Variants in NUTM2B observed in about 807,000 individuals in gnomAD.
The protein encoded by NUTM2B is family with sequence similarity 22, member B.
In NUTM2B, 2 loss-of-function variants were observed where a neutral mutation model predicts 42.4. The ratio of observed to expected loss-of-function variants is 0.05; its 90% CI spans 0.02 to 0.15. The LOEUF (loss-of-function observed/expected upper bound fraction) is 0.15. NUTM2B is among the 10% of genes least tolerant of loss of function. The pLI is 1.00. For missense variants in NUTM2B, 58 were observed against 952.6 expected, an observed-to-expected ratio of 0.06 and a Z score of 12.36; for synonymous variants, 18 against 402.4, an observed-to-expected ratio of 0.04 and a Z score of 11.43.
At chr10:79,694,567 C>G in the NUTM2B span, among the ~76,000 whole-genome samples, 1 of 152,044 alleles carries the variant, frequency 6.6e-6, no homozygotes, top group Non-Finnish European at 1.5e-5. Context: ...TCTCCAGAAC[C>G]CAGCTCCCAG....
chr10:79,700,958 C>A (rs1011314835), upstream of NUTM2B, among the ~76,000 whole-genome samples: 1 of 152,218 alleles, frequency 6.6e-6, no homozygotes, highest in Non-Finnish European at 1.5e-5. Context: ...GAGAAACCAG[C>A]GCGTCCGCAA....
At chr10:79,694,249 T>C in the NUTM2B span, among the ~76,000 whole-genome samples, 1 of 151,768 alleles carries the variant, frequency 6.6e-6, no homozygotes, top group African/African-American at 2.4e-5. Flanking sequence ...AATACAAAAT[T>C]AGCTGGGCTT....
the NUTM2B span, among the ~76,000 whole-genome samples, chr10:79,695,936 A>G: frequency 6.3e-4 from 94 of 150,064 alleles, no homozygotes; most frequent in African/African-American, 2.1e-3. Flanking sequence ...GCAAGAAACT[A>G]CCATTTATAT....
the NUTM2B span, among the ~76,000 whole-genome samples, chr10:79,694,509 G>C: frequency 6.6e-6 from 1 of 152,122 alleles, no homozygotes; most frequent in African/African-American, 2.4e-5. Flanking sequence ...CATCGACAGG[G>C]TTCTCAGAAA....
At chr10:79,711,260 T>G (rs1840489730) in exon 6 of NUTM2B, 1 of 1,587,624 alleles carries the variant, frequency 6.3e-7, no homozygotes, top group African/African-American at 1.4e-5. Flanking sequence ...GTGGAGGCCG[T>G]CATTCATCCC....
chr10:79,711,254 A>AG lies in NUTM2B; in HGVS notation c.1741dup (p.Ala581GlyfsTer57). ...CCTTCTTCCTTCTGTTTCCAGGTGGAGGCCGTCATTCATCCCCAATTCCTG... is the reference window on the plus strand; with the variant it reads ...CCTTCTTCCTTCTGTTTCCAGGTGGAGGGCCGTCATTCATCCCCAATTCCTG... On this transcript the variant is annotated frameshift_variant, in exon 6 of 7. Transcript: ENST00000429828. LOFTEE classifies it high-confidence loss of function. 6.3e-7 allele frequency: 1 copy of AG among 1,591,720 alleles called. No homozygotes were observed. Among genetic ancestry groups the AG allele is most frequent in the Non-Finnish European group, 8.6e-7 (1 of 1,167,424 alleles).
chr10:79,699,861 T>C (rs1299911786), upstream of NUTM2B, among the ~76,000 whole-genome samples: 3 of 152,102 alleles, frequency 2.0e-5, no homozygotes, highest in Non-Finnish European at 4.4e-5. Context: ...AGAATTCATA[T>C]AAACATATTT....
At chr10:79,710,916 TGC>T (rs1840479969) in intron 5 of NUTM2B, among the ~76,000 whole-genome samples, 152 bp downstream of exon 5, 9 of 130,878 alleles carry the variant, frequency 6.9e-5, no homozygotes, top group East Asian at 5.2e-4. Context: ...GTCTGTGTGT[TGC>T]TGTGTGTTTG....
the NUTM2B span, among the ~76,000 whole-genome samples, chr10:79,696,419 C>A: frequency 6.6e-6 from 1 of 151,382 alleles, no homozygotes; most frequent in Non-Finnish European, 1.5e-5. Context: ...GAGTAGGACC[C>A]ACAACTCTCA....
chr10:79,701,240 C>A (rs1290365609), upstream of NUTM2B, among the ~76,000 whole-genome samples: 1 of 152,188 alleles, frequency 6.6e-6, no homozygotes, highest in Non-Finnish European at 1.5e-5. Flanking sequence ...AATATACTTT[C>A]TTCTGACTCC....
exon 4 of NUTM2B, chr10:79,709,804 C>T (rs1171981768): frequency 9.5e-7 from 1 of 1,048,160 alleles, no homozygotes; most frequent in Non-Finnish European, 1.2e-6. Flanking sequence ...CGCCAGGTTC[C>T]TGGAGTTTGA....
the NUTM2B span, among the ~76,000 whole-genome samples, chr10:79,693,391 C>T: frequency 2.0e-5 from 3 of 152,218 alleles, no homozygotes; most frequent in Non-Finnish European, 4.4e-5. Context: ...ACAGAACAGT[C>T]AGAGGCTTCT....
At chr10:79,701,347 G>T (rs549090351), upstream of NUTM2B, among the ~76,000 whole-genome samples, 1 of 152,062 alleles carries the variant, frequency 6.6e-6, no homozygotes, top group East Asian at 1.9e-4. Flanking sequence ...AGATAGTAAG[G>T]GAACAATTCC....
upstream of NUTM2B, among the ~76,000 whole-genome samples, chr10:79,700,868 G>T (rs868084082): frequency 0.025 from 3,844 of 152,196 alleles, 87 homozygotes; most frequent in African/African-American, 0.088. Flanking sequence ...TGGAGATGTG[G>T]AAATGGAGGG....
chr10:79,693,486 TC>T, the NUTM2B span, among the ~76,000 whole-genome samples: 1 of 152,322 alleles, frequency 6.6e-6, no homozygotes, highest in East Asian at 1.9e-4. Context: ...AGGATACATT[TC>T]ATGACATACA....
At chr10:79,699,672 A>C (rs1412371345), upstream of NUTM2B, among the ~76,000 whole-genome samples, 1 of 152,082 alleles carries the variant, frequency 6.6e-6, no homozygotes, top group African/African-American at 2.4e-5. Context: ...CAAACTCCTG[A>C]CCTCAGGTGA....
chr10:79,696,930 G>T, the NUTM2B span, among the ~76,000 whole-genome samples: 1 of 135,952 alleles, frequency 7.4e-6, no homozygotes, highest in African/African-American at 2.8e-5. Context: ...AGCCCACTCT[G>T]ATCGGCTGTC....
chr10:79,699,718 T>C (rs1326720165), upstream of NUTM2B, among the ~76,000 whole-genome samples: 3 of 152,174 alleles, frequency 2.0e-5, no homozygotes, highest in African/African-American at 7.2e-5. Flanking sequence ...GCTGGGATTA[T>C]AGGTGTGAGC....
intron 2 of NUTM2B, among the ~76,000 whole-genome samples, chr10:79,707,230 A>T (rs1421063642): frequency 7.5e-6 from 1 of 132,762 alleles, no homozygotes; most frequent in African/African-American, 2.9e-5. Context: ...GCATAGGGGG[A>T]TGGTCTCGGG....
Sources: allele counts gnomAD v4.1 joint callset (sites outside exome capture counted in the v4.1 genomes callset), GRCh38; gene constraint gnomAD v4.1.1; transcripts MANE v1.5; gene names NCBI Gene and HGNC (gene_info 2026-07-23, HGNC 2026-07-21).